UTY: variants seen among roughly 807,000 people sequenced by gnomAD.
UTY encodes histone demethylase UTY.
A neutral mutation model predicts 32.5 loss-of-function variants in UTY; 12 were observed. The ratio of observed to expected loss-of-function variants is 0.37; its 90% CI spans 0.24 to 0.60. The LOEUF (loss-of-function observed/expected upper bound fraction) is 0.60. UTY is among the 20% of genes least tolerant of loss of function. The probability of loss-of-function intolerance (pLI) is 0.69; values close to 1 mark genes in which losing one functional copy is unlikely to be tolerated. For missense variants in UTY, 303 were observed against 299.2 expected, an observed-to-expected ratio of 1.01 and a Z score of -0.09; for synonymous variants, 131 against 103.4, an observed-to-expected ratio of 1.27 and a Z score of -1.62.
intron 3 of UTY, among the ~76,000 whole-genome samples, chrY:13,451,450 G>A (rs2076306886): frequency 3.0e-5 from 1 of 33,136 alleles, no homozygotes; most frequent in Non-Finnish European, 7.4e-5. Context: ...AAAGCCTGAG[G>A]AATACCATAG....
At chrY:13,320,575 C>A in intron 21 of UTY, among the ~76,000 whole-genome samples, 2 of 33,187 alleles carry the variant, frequency 6.0e-5, no homozygotes, top group African/African-American at 1.2e-4. Context: ...CTTTTAAACT[C>A]TTTGCTTAAA....
chrY:13,390,714 T>C (rs2067469147), intron 8 of UTY, among the ~76,000 whole-genome samples: 1 of 33,533 alleles, frequency 3.0e-5, no homozygotes, highest in South Asian at 6.4e-4. Context: ...GCAATTAATG[T>C]AATCATCATA....
At chrY:13,263,407 T>G in intron 27 of UTY, among the ~76,000 whole-genome samples, 1 of 33,443 alleles carries the variant, frequency 3.0e-5, no homozygotes, top group Admixed American at 2.7e-4. Flanking sequence ...TAAATGAGAA[T>G]CTGATTCAAT....
chrY:13,315,056 C>T (rs1036789261), intron 21 of UTY, among the ~76,000 whole-genome samples: 1 of 33,763 alleles, frequency 3.0e-5, no homozygotes, highest in Admixed American at 2.7e-4. Flanking sequence ...CACAATCCAG[C>T]GGCTGTAGAG....
intron 6 of UTY, among the ~76,000 whole-genome samples, chrY:13,406,231 A>G (rs2069979915): frequency 3.0e-5 from 1 of 33,261 alleles, no homozygotes; most frequent in African/African-American, 1.2e-4. Flanking sequence ...AATGTCATAT[A>G]CCTTATTTAC....
intron 27 of UTY, among the ~76,000 whole-genome samples, chrY:13,289,980 C>CA (rs2057654778): frequency 3.9e-4 from 10 of 25,855 alleles, no homozygotes; most frequent in South Asian, 8.7e-4. Context: ...ACCCACCTGG[C>CA]AAAAAAAAAT....
At chrY:13,369,199 C>A in intron 9 of UTY, 57 bp downstream of exon 9, 3 of 229,042 alleles carry the variant, frequency 1.3e-5, no homozygotes, top group Admixed American at 1.3e-4. Context: ...AAAAATTGAA[C>A]CTCAAAAGGC....
chrY:13,356,051 T>A, intron 15 of UTY, 33 bp from the exon 16 acceptor site: 1 of 327,428 alleles, frequency 3.1e-6, no homozygotes. Context: ...AATCAAAGTT[T>A]AATCTAAAAT....
At chrY:13,292,067 G>A (rs2057787934) in intron 27 of UTY, among the ~76,000 whole-genome samples, 2 of 32,685 alleles carry the variant, frequency 6.1e-5, no homozygotes, top group Admixed American at 5.6e-4. Flanking sequence ...ACAAAACTAA[G>A]AACCAGTCTT....
At chrY:13,289,075 T>G in intron 27 of UTY, among the ~76,000 whole-genome samples, 1 of 33,928 alleles carries the variant, frequency 2.9e-5, no homozygotes, top group Non-Finnish European at 7.3e-5. Context: ...TGCTCCCTTG[T>G]TTGCTACCTG....
Position 13,248,919 on chromosome Y carries a change from AT to A in UTY, c.*936del. Reference sequence around the variant, plus strand: ...TACAATTATATATCGAGGTTTCTGTATATATTATACATGTGTGTACACATAC... The same window carrying A: ...TACAATTATATATCGAGGTTTCTGTAATATTATACATGTGTGTACACATAC... On this transcript the variant is annotated 3_prime_UTR_variant, in exon 30 of 30. Coordinates refer to ENST00000545955, the MANE Select transcript of UTY (RefSeq NM_001258249.2). 1 of 38,689 alleles carries A rather than the reference AT, an allele frequency of 2.6e-5. No homozygotes were observed. Among genetic ancestry groups the A allele is most frequent in the South Asian group, 6.2e-4 (1 of 1,622 alleles). 9.7% of individuals were successfully genotyped at this position (38,689 alleles called of 400,897 possible).
chrY:13,470,285 C>T, intron 2 of UTY, 56 bp from the exon 3 acceptor site: 1 of 231,933 alleles, frequency 4.3e-6, no homozygotes, highest in African/African-American at 7.7e-5. Flanking sequence ...TGGAAGAATA[C>T]ATACATCTGC....
chrY:13,393,762 A>G, intron 8 of UTY, 97 bp downstream of exon 8: 1 of 201,263 alleles, frequency 5.0e-6, no homozygotes, highest in Non-Finnish European at 7.4e-6. Context: ...CGTCTAATAT[A>G]TTTATTTCAT....
chrY:13,354,667 ATGT>A, intron 17 of UTY: 1 of 134,168 alleles, frequency 7.5e-6, no homozygotes, highest in Non-Finnish European at 1.4e-5. Flanking sequence ...TCAAAGTAAG[ATGT>A]TGTTTGCTTA....
At position 13,357,955 on chromosome Y, in the gene UTY, G is replaced by C; in HGVS notation, c.1491C>G (p.Asn497Lys). 2.5e-6 allele frequency: 1 copy of C among 396,588 alleles called. No individual in the cohort carries two copies. Among genetic ancestry groups the C allele is most frequent in the Non-Finnish European group, 3.5e-6 (1 of 281,869 alleles). The change falls in exon 15 of 30, where the codon AAC (asparagine) becomes AAG (lysine). Residue 497 changes from asparagine (N) to lysine (K), a missense_variant. Physicochemically the swap from Asn to Lys is moderately conservative, Grantham distance 94. Transcript: ENST00000545955. ...GTGAAAGACTCTGGCCACCATTCCA[G>C]TTATCAGAACCATTCTAAGGAAAAT... ...TSSPTKNGSD[N>K]WNGGQSLSHH...
chrY:13,476,521 T>C (rs112563127), intron 2 of UTY, among the ~76,000 whole-genome samples: 1,242 of 33,748 alleles, frequency 0.037, no homozygotes, highest in Non-Finnish European at 0.078. Flanking sequence ...CATACTGTAA[T>C]AGTAATATTC....
At chrY:13,373,781 T>C in intron 8 of UTY, among the ~76,000 whole-genome samples, 2 of 33,936 alleles carry the variant, frequency 5.9e-5, no homozygotes, top group East Asian at 7.8e-4. Context: ...AACCTATACA[T>C]AGATTTGAGC....
intron 27 of UTY, among the ~76,000 whole-genome samples, chrY:13,277,610 A>G: frequency 1.5e-4 from 5 of 33,402 alleles, no homozygotes; most frequent in African/African-American, 4.7e-4. Context: ...TGGACTTTGC[A>G]TTGAAACTCT....
At chrY:13,343,486 G>A (rs759159237) in intron 17 of UTY, among the ~76,000 whole-genome samples, 1 of 33,085 alleles carries the variant, frequency 3.0e-5, no homozygotes, top group South Asian at 6.9e-4. Context: ...GAAAGCCCCC[G>A]TTGTGTTGCC....
Sources: allele counts gnomAD v4.1 joint callset (sites outside exome capture counted in the v4.1 genomes callset), GRCh38; gene constraint gnomAD v4.1.1; transcripts MANE v1.5; gene names NCBI Gene and HGNC (gene_info 2026-07-23, HGNC 2026-07-21).